Variants in ERCC6L2 observed in about 807,000 individuals in gnomAD.
ERCC6L2 encodes the protein ERCC excision repair 6 like 2.
Under a neutral mutation model 132.0 loss-of-function variants are expected in ERCC6L2, and 77 were observed. The ratio of observed to expected loss-of-function variants is 0.58; its 90% CI spans 0.49 to 0.71. The LOEUF (loss-of-function observed/expected upper bound fraction) is 0.71. Among genes scored for constraint, ERCC6L2 ranks in the 30% least tolerant of loss-of-function variants. The pLI, the probability that ERCC6L2 is intolerant of heterozygous loss-of-function variation, is 0.00. For missense variants in ERCC6L2, 1,542 were observed against 1,837.6 expected, an observed-to-expected ratio of 0.84 and a Z score of 2.94; for synonymous variants, 583 against 632.4, an observed-to-expected ratio of 0.92 and a Z score of 1.17.
intron 12 of ERCC6L2, among the ~76,000 whole-genome samples, chr9:95,954,207 G>C (rs1831484642): frequency 6.6e-6 from 1 of 152,152 alleles, no homozygotes; most frequent in African/African-American, 2.4e-5. Flanking sequence ...CTTTTAATCA[G>C]CCTCTCTCCA....
At chr9:96,007,266 G>A (rs1833891728) in intron 18 of ERCC6L2, among the ~76,000 whole-genome samples, 1 of 152,216 alleles carries the variant, frequency 6.6e-6, no homozygotes, top group Admixed American at 6.5e-5. Flanking sequence ...TGATGGTAAT[G>A]ACAATGGCAA....
At chr9:95,987,632 A>C (rs752533807) in intron 17 of ERCC6L2, among the ~76,000 whole-genome samples, 1 of 152,098 alleles carries the variant, frequency 6.6e-6, no homozygotes, top group Non-Finnish European at 1.5e-5. Context: ...GACTGCTTCC[A>C]TGGGCTAGCA....
intron 1 of ERCC6L2, chr9:95,876,997 G>T (rs1168379791): frequency 6.6e-6 from 1 of 152,204 alleles, no homozygotes; most frequent in African/African-American, 2.4e-5. Context: ...AGGGAAATTG[G>T]TGGAAGGAGC....
At chr9:95,942,544 G>A (rs1171560331) in intron 12 of ERCC6L2, among the ~76,000 whole-genome samples, 1 of 151,342 alleles carries the variant, frequency 6.6e-6, no homozygotes, top group African/African-American at 2.4e-5. Context: ...AAAAAATGAA[G>A]GTCTGAAAAA....
intron 3 of ERCC6L2, among the ~76,000 whole-genome samples, chr9:95,905,398 T>A (rs918387126): frequency 2.6e-5 from 4 of 152,192 alleles, no homozygotes; most frequent in South Asian, 2.1e-4. Flanking sequence ...TTTAAACATC[T>A]TCTGGAATCT....
chr9:96,012,164 G>T, intron 18 of ERCC6L2, 61 bp from the exon 19 acceptor site: 1 of 1,076,882 alleles, frequency 9.3e-7, no homozygotes, highest in South Asian at 1.8e-5. Flanking sequence ...TACTGGTGAT[G>T]AGTTCTTTCA....
rs1474500523 is a variant in ERCC6L2 at position 96,014,655 on chromosome 9, C to A, written c.*1452C>A. ...GTTTGTGTGTGTGTTAATCCTCTCA[C>A]AACCCACTGAATTGAATTTCATGGC... On this transcript the variant is annotated 3_prime_UTR_variant, in exon 19 of 19. Coordinates refer to ENST00000653738, the MANE Select transcript of ERCC6L2 (RefSeq NM_020207.7). 3 of 152,238 alleles carry A rather than the reference C, an allele frequency of 2.0e-5. No individual in the cohort carries two copies. The East Asian group carries it at 5.8e-4, about 29-fold the overall frequency. 9.4% of individuals were successfully genotyped at this position (152,238 alleles called of 1,614,324 possible).
chr9:96,000,111 TCTC>T (rs1233490712), intron 17 of ERCC6L2, among the ~76,000 whole-genome samples: 2 of 152,210 alleles, frequency 1.3e-5, no homozygotes, highest in East Asian at 1.9e-4. Context: ...ATGGTCTCGA[TCTC>T]CTGACCTCGT....
intron 17 of ERCC6L2, among the ~76,000 whole-genome samples, chr9:96,001,284 C>A (rs536311763): frequency 1.1e-4 from 17 of 152,314 alleles, no homozygotes; most frequent in African/African-American, 3.6e-4. Context: ...CTGGCTCGGG[C>A]AGCCTGCTTT....
Position 95,922,571 on chromosome 9 carries a change from C to T in ERCC6L2, c.1413+153C>T, listed in dbSNP as rs1174233387. Among the ~76,000 whole-genome samples the T allele has an allele frequency of 2.0e-5, 3 of 152,214 alleles. No individual in the cohort carries two copies. In the South Asian group the frequency reaches 6.2e-4, roughly 32 times the overall value. ...ATGTAGATATCAAGGAGTATGTGCA[C>T]TTAAGTTTTTAATCAAAGTGAACAA... On this transcript the variant is annotated intron_variant, in intron 8 of 18. Coordinates refer to ENST00000653738, the MANE Select transcript of ERCC6L2 (RefSeq NM_020207.7).
intron 17 of ERCC6L2, among the ~76,000 whole-genome samples, chr9:95,994,866 C>T (rs1833420635): frequency 6.6e-6 from 1 of 152,174 alleles, no homozygotes; most frequent in African/African-American, 2.4e-5. Flanking sequence ...GGTGTGGGAA[C>T]GATTCCTCCC....
At position 95,922,553 on chromosome 9, in the gene ERCC6L2, TA is replaced by T. The variant is rs1307293837; in HGVS notation, c.1413+136del. 1.2e-5 allele frequency: 7 copies of T among 604,008 alleles called. No homozygotes were observed. In the African/African-American group the frequency reaches 1.3e-4, roughly 11 times the overall value. 37.4% of individuals were successfully genotyped at this position (604,008 alleles called of 1,614,324 possible). ...TGATTTGCTTATTTTTAAATGTAGA[TA>T]TCAAGGAGTATGTGCACTTAAGTTT... On this transcript the variant is annotated intron_variant, in intron 8 of 18. Transcript: ENST00000653738.
At chr9:95,930,546 A>C (rs1011550282) in intron 11 of ERCC6L2, among the ~76,000 whole-genome samples, 1 of 152,198 alleles carries the variant, frequency 6.6e-6, no homozygotes. Flanking sequence ...TCAACTTTAC[A>C]TAAGTTGGAA....
intron 12 of ERCC6L2, among the ~76,000 whole-genome samples, chr9:95,948,378 C>A (rs1187613115): frequency 6.6e-6 from 1 of 152,214 alleles, no homozygotes; most frequent in Non-Finnish European, 1.5e-5. Flanking sequence ...TGAGGTCAGG[C>A]ACAGTGGCTC....
intron 2 of ERCC6L2, among the ~76,000 whole-genome samples, chr9:95,895,401 A>C (rs1828399819): frequency 6.6e-6 from 1 of 152,158 alleles, no homozygotes; most frequent in African/African-American, 2.4e-5. Context: ...AGTTTAGTCC[A>C]TTTCCATATA....
chr9:95,990,687 C>G (rs1833266547), intron 17 of ERCC6L2, among the ~76,000 whole-genome samples: 1 of 152,220 alleles, frequency 6.6e-6, no homozygotes, highest in East Asian at 1.9e-4. Flanking sequence ...CCAGTCACTC[C>G]TCTCTGGTGG....
Position 96,014,647 on chromosome 9 carries a change from T to G in ERCC6L2, c.*1444T>G, listed in dbSNP as rs1834140062. On this transcript the variant is annotated 3_prime_UTR_variant, in exon 19 of 19. Transcript: ENST00000653738. ...GGCAGTGGGTTTGTGTGTGTGTTAA[T>G]CCTCTCACAACCCACTGAATTGAAT... 6.6e-6 allele frequency: 1 copy of G among 152,208 alleles called. No individual in the cohort carries two copies. The highest frequency in any genetic ancestry group is 1.5e-5 in the Non-Finnish European group (1 of 68,034). The allele number at this position is 152,208 out of a possible 1,614,324, so 9.4% of individuals were successfully genotyped here. A position where few individuals can be genotyped will look rare whatever the true frequency, so the allele number is the denominator to read the frequency against.
intron 11 of ERCC6L2, among the ~76,000 whole-genome samples, chr9:95,933,881 AAG>A (rs1830449751): frequency 6.6e-6 from 1 of 152,054 alleles, no homozygotes. Flanking sequence ...TTGAGAGCAA[AAG>A]AACTAGCATA....
chr9:96,000,740 TTAC>T (rs1446464781), intron 17 of ERCC6L2, among the ~76,000 whole-genome samples: 10 of 152,264 alleles, frequency 6.6e-5, no homozygotes, highest in Admixed American at 6.5e-4. Flanking sequence ...TCTTGCAGCA[TTAC>T]CTATGCCAAT....
Sources: allele counts gnomAD v4.1 joint callset (sites outside exome capture counted in the v4.1 genomes callset), GRCh38; gene constraint gnomAD v4.1.1; transcripts MANE v1.5; gene names NCBI Gene and HGNC (gene_info 2026-07-23, HGNC 2026-07-21).